Variants in GRIK3 observed in about 807,000 individuals in gnomAD.
The protein encoded by GRIK3 is glutamate ionotropic receptor kainate type subunit 3.
In GRIK3, 29 loss-of-function variants were observed where a neutral mutation model predicts 102.5. That is an observed-to-expected ratio of 0.28 (90% CI 0.21 to 0.39). The LOEUF is 0.39. GRIK3 is among the 10% of genes least tolerant of loss of function. GRIK3 has a pLI of 1.00. For synonymous variants in GRIK3, 511 were observed against 504.9 expected, an observed-to-expected ratio of 1.01 and a Z score of -0.16; for missense variants, 908 against 1,252.4, an observed-to-expected ratio of 0.73 and a Z score of 4.15.
chr1:36,812,177 C>G (rs1642569589), intron 13 of GRIK3, among the ~76,000 whole-genome samples: 1 of 152,102 alleles, frequency 6.6e-6, no homozygotes, highest in African/African-American at 2.4e-5. Flanking sequence ...TGTCATGCAG[C>G]TGGGAGGCAG....
intron 1 of GRIK3, among the ~76,000 whole-genome samples, chr1:36,967,098 G>A (rs1054431742): frequency 6.6e-6 from 1 of 152,192 alleles, no homozygotes; most frequent in Non-Finnish European, 1.5e-5. Context: ...TTAGCAAAAG[G>A]AGGGGCTAAA....
chr1:36,921,539 C>A (rs566822603), intron 1 of GRIK3, among the ~76,000 whole-genome samples: 3 of 152,112 alleles, frequency 2.0e-5, no homozygotes, highest in Admixed American at 6.5e-5. Context: ...TCAGAGATAG[C>A]GGGGTACGTA....
intron 1 of GRIK3, among the ~76,000 whole-genome samples, chr1:37,023,477 G>A (rs1234767110): frequency 6.6e-6 from 1 of 152,200 alleles, no homozygotes; most frequent in Non-Finnish European, 1.5e-5. Flanking sequence ...GACAGTCTAT[G>A]AGTCCAGAGA....
rs544479537 is a variant in GRIK3 at position 36,932,293 on chromosome 1, C to G, written c.116-41197G>C. Among the ~76,000 whole-genome samples the G allele has an allele frequency of 6.6e-5, 10 of 152,210 alleles. No homozygotes were observed. The East Asian group carries it at 1.9e-3, about 29-fold the overall frequency. On this transcript the variant is annotated intron_variant, in intron 1 of 15. Transcript: ENST00000373091. ...AGAGCTTCCAGGTGTAGAAAGCTGG[C>G]CCTTGGTTTTGGTTAGTGCCCAATC...
In GRIK3 at chr1:36,850,296, G is replaced by T; in HGVS notation, c.1326+15C>A. 1 of 1,504,306 alleles carries T rather than the reference G, an allele frequency of 6.6e-7. No individual in the cohort carries two copies. The allele number at this position is 1,504,306 out of a possible 1,614,324, so 93.2% of individuals were successfully genotyped here. On this transcript the variant is annotated intron_variant, in intron 9 of 15. Transcript: ENST00000373091. This position sits in a 1 kb window ranked among gnomAD's most constrained non-coding sequence, Gnocchi z 4.0. ...AGGTCGGACAGTCCTTCCTGCAGGG[G>T]CTGCAGGCTCTTACCAGCACTGTGG... is the stretch of plus-strand genomic sequence containing the variant.
chr1:37,024,340 G>T (rs1162683785), intron 1 of GRIK3, among the ~76,000 whole-genome samples: 5 of 151,960 alleles, frequency 3.3e-5, no homozygotes, highest in Non-Finnish European at 7.4e-5. Context: ...ATAATAGTAG[G>T]AATAATAGAC....
intron 13 of GRIK3, among the ~76,000 whole-genome samples, chr1:36,815,844 C>T (rs963947803): frequency 1.2e-4 from 18 of 152,108 alleles, no homozygotes; most frequent in Non-Finnish European, 2.1e-4. Context: ...ACTGCAACCT[C>T]TGCCTCCCAG....
intron 9 of GRIK3, among the ~76,000 whole-genome samples, chr1:36,845,625 G>A (rs893626494): frequency 2.0e-5 from 3 of 152,206 alleles, no homozygotes; most frequent in African/African-American, 7.2e-5. Flanking sequence ...AGCCACACAT[G>A]CACGCACAAG....
intron 13 of GRIK3, among the ~76,000 whole-genome samples, chr1:36,815,030 C>T (rs1304743844): frequency 6.6e-6 from 1 of 152,236 alleles, no homozygotes; most frequent in Non-Finnish European, 1.5e-5. Flanking sequence ...TGCACATTCC[C>T]ACATATTATA....
intron 10 of GRIK3, among the ~76,000 whole-genome samples, chr1:36,835,218 A>G (rs1640360446): frequency 6.6e-6 from 1 of 152,158 alleles, no homozygotes; most frequent in South Asian, 2.1e-4. Flanking sequence ...GGCCAACCTC[A>G]TGCAGGTCCA....
At chr1:36,868,309 G>A (rs1044803512) in intron 5 of GRIK3, among the ~76,000 whole-genome samples, 12 of 152,300 alleles carry the variant, frequency 7.9e-5, no homozygotes, top group East Asian at 3.9e-4. Context: ...TTAGGTGGGC[G>A]GAAATCCAGA....
chr1:36,849,083 C>T (rs1019033057), intron 9 of GRIK3, among the ~76,000 whole-genome samples: 1 of 152,186 alleles, frequency 6.6e-6, no homozygotes, highest in Admixed American at 6.5e-5. Context: ...GACTCACAGG[C>T]TAACATTTAT....
intron 1 of GRIK3, 43 bp from the exon 2 acceptor site, chr1:36,891,139 T>C: frequency 1.3e-6 from 2 of 1,491,030 alleles, no homozygotes; most frequent in South Asian, 1.2e-5. Context: ...GGAGGAGGGA[T>C]GGGGCTCTAG....
rs1423542647 is a variant in GRIK3 at position 36,798,491 on chromosome 1, A to G, written c.*3360T>C. 2 of 152,250 alleles carry G rather than the reference A, an allele frequency of 1.3e-5. No homozygotes were observed. Among genetic ancestry groups the G allele is most frequent in the Non-Finnish European group, 2.9e-5 (2 of 68,100 alleles). The allele number at this position is 152,250 out of a possible 1,614,324, so 9.4% of individuals were successfully genotyped here. A position where few individuals can be genotyped will look rare whatever the true frequency, so the allele number is the denominator to read the frequency against. On this transcript the variant is annotated 3_prime_UTR_variant, in exon 16 of 16. Coordinates refer to ENST00000373091, the MANE Select transcript of GRIK3 (RefSeq NM_000831.4). ...CATGCATACACACACATACACACAC[A>G]CGCATGCACCTGCCCCAGCTCAGCT...
intron 1 of GRIK3, among the ~76,000 whole-genome samples, chr1:36,978,100 TTAAG>T (rs1398243194): frequency 5.3e-5 from 8 of 152,256 alleles, no homozygotes; most frequent in Non-Finnish European, 1.0e-4. Flanking sequence ...TCCAGAAAAA[TTAAG>T]TATGTTCATT....
At chr1:36,896,523 AG>A (rs1272722001) in intron 1 of GRIK3, among the ~76,000 whole-genome samples, 1 of 152,304 alleles carries the variant, frequency 6.6e-6, no homozygotes, top group East Asian at 1.9e-4. Context: ...ATGATAAGTG[AG>A]GAGAGGAAAT....
chr1:36,889,203 G>A (rs1246957798), intron 2 of GRIK3, among the ~76,000 whole-genome samples: 1 of 151,906 alleles, frequency 6.6e-6, no homozygotes, highest in Non-Finnish European at 1.5e-5. Flanking sequence ...TTGTCTAGGG[G>A]TTAGGGGAGG....
In GRIK3 at chr1:36,819,898, C is replaced by T; in HGVS notation, c.1755-44G>A. On this transcript the variant is annotated intron_variant, in intron 11 of 15. Coordinates refer to ENST00000373091, the MANE Select transcript of GRIK3 (RefSeq NM_000831.4). The surrounding 1 kb of genome is among the most constrained non-coding windows in gnomAD (Gnocchi z 4.1). Reference sequence around the variant, plus strand: ...GACAGTCAGCCTGGGAAGCAAGGGGCATCCACGCCCCAGCAGGCAGTGGTT... The same window carrying T: ...GACAGTCAGCCTGGGAAGCAAGGGGTATCCACGCCCCAGCAGGCAGTGGTT... 2.0e-6 allele frequency: 2 copies of T among 978,418 alleles called. No homozygotes were observed. The highest frequency in any genetic ancestry group is 3.2e-6 in the Non-Finnish European group (2 of 618,518). 60.6% of individuals were successfully genotyped at this position (978,418 alleles called of 1,614,324 possible). A position where few individuals can be genotyped will look rare whatever the true frequency, so the allele number is the denominator to read the frequency against.
chr1:36,841,664 C>A lies in GRIK3; in HGVS notation c.1530+72G>T, dbSNP rs79962626. The A allele has an allele frequency of 4.7e-3, 6,217 of 1,315,728 alleles. 19 individuals are homozygous for A. The highest frequency in any genetic ancestry group is 6.2e-3 in the Non-Finnish European group (5,616 of 909,658). The allele number at this position is 1,315,728 out of a possible 1,614,324, so 81.5% of individuals were successfully genotyped here. ...CCTTTTTCTGCCAGGCTGCCCAGCCCTGTGGTGCAGACAGTTCTAGGCCAA... is the reference window on the plus strand; with the variant it reads ...CCTTTTTCTGCCAGGCTGCCCAGCCATGTGGTGCAGACAGTTCTAGGCCAA... On this transcript the variant is annotated intron_variant, in intron 10 of 15. Transcript: ENST00000373091.
Sources: gnomAD v4.1 joint callset for allele counts (sites outside exome capture counted in the v4.1 genomes callset) on GRCh38, gnomAD v4.1.1 for gene constraint, Gnocchi (gnomAD v3.1) non-coding constraint, MANE v1.5 for transcripts, NCBI Gene and HGNC (gene_info 2026-07-23, HGNC 2026-07-21) for gene names.